The following RALB variants were observed in gnomAD, a reference collection of about 807,000 sequenced individuals.
RALB encodes the protein RAS like proto-oncogene B.
RALB carries 16 observed loss-of-function variants against 21.3 expected under a neutral mutation model. The ratio of observed to expected loss-of-function variants is 0.75; its 90% confidence interval spans 0.51 to 1.14. The LOEUF (loss-of-function observed/expected upper bound fraction) is 1.14, where lower values mean the gene tolerates loss of function less well. RALB is among the 50% of genes most tolerant of loss of function. The probability of loss-of-function intolerance (pLI) is 0.00; values close to 1 mark genes in which losing one functional copy is unlikely to be tolerated. For missense variants in RALB, 161 were observed against 256.2 expected (o/e 0.63, Z 2.54); for synonymous variants, 93 against 96.1 (o/e 0.97, Z 0.19).
Position 120,294,272 on chromosome 2 carries a change from CAT to C in RALB, c.*1014_*1015del, listed in dbSNP as rs1415970008. The C allele has an allele frequency of 2.5e-6, 1 of 398,560 alleles. No individual in the cohort carries two copies. Among genetic ancestry groups the C allele is most frequent in the Non-Finnish European group, 4.4e-6 (1 of 226,064 alleles). 24.7% of individuals were successfully genotyped at this position (398,560 alleles called of 1,614,324 possible). A position where few individuals can be genotyped will look rare whatever the true frequency, so the allele number is the denominator to read the frequency against. On this transcript the variant is annotated 3_prime_UTR_variant, in exon 5 of 5. Transcript: ENST00000272519. ...CTGTGCCAGACCTTCTGCTACCTCT[CAT>C]AGAATTGCTCTGTAATTCTAAATTT...
chr2:120,253,628 G>A, intron 1 of RALB: 1 of 985,562 alleles, frequency 1.0e-6, no homozygotes, highest in Non-Finnish European at 1.2e-6. Flanking sequence ...TCGGTGCAGG[G>A]TTGCGGGGCG....
In RALB at chr2:120,291,180, C is replaced by T. The variant is rs960619589; in HGVS notation, c.501+1423C>T. Among the ~76,000 whole-genome samples the T allele has an allele frequency of 3.9e-5, 6 of 152,132 alleles. No individual in the cohort carries two copies. The Middle Eastern group carries it at 0.014, about 347-fold the overall frequency. On this transcript the variant is annotated intron_variant, in intron 4 of 4. Transcript: ENST00000272519. The stretch of plus-strand genomic sequence containing the variant: ...GCAAGATACATCTATTTGTATGTAT[C>T]GTACATAAAAACATGTATCTTAGGA...
intron 1 of RALB, among the ~76,000 whole-genome samples, chr2:120,259,440 A>G (rs1347533028): frequency 1.3e-5 from 2 of 152,206 alleles, no homozygotes; most frequent in South Asian, 2.1e-4. Context: ...AGCTAGATAC[A>G]GAGTGTCAAT....
intron 1 of RALB, among the ~76,000 whole-genome samples, chr2:120,273,904 T>G (rs975001000): frequency 6.6e-6 from 1 of 152,222 alleles, no homozygotes; most frequent in Non-Finnish European, 1.5e-5. Context: ...TCCACCATGG[T>G]TATTTCAGTT....
chr2:120,257,793 C>T (rs997013145), intron 1 of RALB, among the ~76,000 whole-genome samples: 4 of 152,196 alleles, frequency 2.6e-5, no homozygotes, highest in Non-Finnish European at 5.9e-5. Context: ...TGTAATCCCC[C>T]TCCTTCCTCC....
intron 1 of RALB, among the ~76,000 whole-genome samples, chr2:120,259,449 A>G (rs1278618446): frequency 3.3e-5 from 5 of 151,954 alleles, no homozygotes; most frequent in Non-Finnish European, 7.4e-5. Flanking sequence ...CAGAGTGTCA[A>G]TTGGTGCATT....
chr2:120,261,978 G>A (rs1558948292), intron 1 of RALB, among the ~76,000 whole-genome samples: 1 of 152,142 alleles, frequency 6.6e-6, no homozygotes, highest in Non-Finnish European at 1.5e-5. Context: ...GAAAGAAAGG[G>A]TTTTCGGAGA....
At position 120,293,348 on chromosome 2, in the gene RALB, G is replaced by C. The variant is rs1000826369; in HGVS notation, c.*88G>C. The C allele has an allele frequency of 5.2e-6, 7 of 1,350,772 alleles. No homozygotes were observed. The highest frequency in any genetic ancestry group is 2.0e-4 in the Middle Eastern group (1 of 5,124). 83.7% of individuals were successfully genotyped at this position (1,350,772 alleles called of 1,614,324 possible). A position where few individuals can be genotyped will look rare whatever the true frequency, so the allele number is the denominator to read the frequency against. On this transcript the variant is annotated 3_prime_UTR_variant, in exon 5 of 5. Coordinates refer to ENST00000272519, the MANE Select transcript of RALB (RefSeq NM_002881.3). ...AGGCTATGGTTGACTTCTTGCTTGTGCTTCCCACTCTCCCCGACTTCATTC... is the reference window on the plus strand; with the variant it reads ...AGGCTATGGTTGACTTCTTGCTTGTCCTTCCCACTCTCCCCGACTTCATTC...
At chr2:120,243,251 C>T (rs1410495283) in intron 1 of RALB, among the ~76,000 whole-genome samples, 1 of 152,174 alleles carries the variant, frequency 6.6e-6, no homozygotes, top group Non-Finnish European at 1.5e-5. Context: ...TGTAATTGGT[C>T]GTGAAAATGC....
In RALB at chr2:120,294,370, A is replaced by G; in HGVS notation, c.*1110A>G. The G allele has an allele frequency of 2.5e-6, 1 of 398,596 alleles. No homozygotes were observed. The highest frequency in any genetic ancestry group is 4.4e-6 in the Non-Finnish European group (1 of 226,020). 24.7% of individuals were successfully genotyped at this position (398,596 alleles called of 1,614,324 possible). A position where few individuals can be genotyped will look rare whatever the true frequency, so the allele number is the denominator to read the frequency against. ...AGAATTGGCTGCTGTTTCTAATATAATTATTTTCTAAGATAGCCAGATAGT... is the reference window on the plus strand; with the variant it reads ...AGAATTGGCTGCTGTTTCTAATATAGTTATTTTCTAAGATAGCCAGATAGT... On this transcript the variant is annotated 3_prime_UTR_variant, in exon 5 of 5. Coordinates refer to ENST00000272519, the MANE Select transcript of RALB (RefSeq NM_002881.3).
Position 120,293,206 on chromosome 2 carries a change from C to T in RALB, c.567C>T (p.Gly189=). ...TGTCAGAAAACAAAGACAAGAATGG[C>T]AAGAAAAGCAGCAAGAACAAGAAAA... ...KKMSENKDKN[G]KKSSKNKKSF... Residue 189 remains glycine, a synonymous_variant, in exon 5 of 5, where the codon GGC becomes GGT. Coordinates refer to ENST00000272519, the MANE Select transcript of RALB (RefSeq NM_002881.3). 1 of 1,613,352 alleles carries T rather than the reference C, an allele frequency of 6.2e-7. No individual in the cohort carries two copies. The highest frequency in any genetic ancestry group is 8.5e-7 in the Non-Finnish European group (1 of 1,179,646).
At chr2:120,280,874 T>C (rs778257171) in intron 2 of RALB, 2 of 443,516 alleles carry the variant, frequency 4.5e-6, no homozygotes, top group South Asian at 3.3e-5. Context: ...AGAAAAAGTA[T>C]ACAGCAAACA....
upstream of RALB, among the ~76,000 whole-genome samples, chr2:120,251,611 G>A (rs931247069): frequency 5.3e-5 from 8 of 152,192 alleles, no homozygotes; most frequent in African/African-American, 1.7e-4. Context: ...GTAAGAAAAG[G>A]TTTGGGTCTG....
chr2:120,264,397 C>G (rs753052376), intron 1 of RALB, among the ~76,000 whole-genome samples: 1 of 152,126 alleles, frequency 6.6e-6, no homozygotes, highest in Non-Finnish European at 1.5e-5. Flanking sequence ...AGTGATCCAT[C>G]CACCTCCGCC....
intron 1 of RALB, among the ~76,000 whole-genome samples, chr2:120,265,114 G>A (rs1159120047): frequency 6.6e-6 from 1 of 152,152 alleles, no homozygotes; most frequent in African/African-American, 2.4e-5. Context: ...ATACAGCCAC[G>A]CATCACTTAA....
intron 1 of RALB, among the ~76,000 whole-genome samples, chr2:120,260,608 G>A (rs941527596): frequency 6.6e-6 from 1 of 152,242 alleles, no homozygotes; most frequent in Non-Finnish European, 1.5e-5. Context: ...TGCCTGGCAA[G>A]TGGCGCCGAG....
intron 1 of RALB, among the ~76,000 whole-genome samples, chr2:120,254,586 AGAT>A (rs1362827681): frequency 1.3e-5 from 2 of 152,254 alleles, no homozygotes; most frequent in African/African-American, 2.4e-5. Flanking sequence ...TTTTGGTAGA[AGAT>A]GAGGGTAGAA....
At position 120,270,370 on chromosome 2, in the gene RALB, A is replaced by G. The variant is rs533758452; in HGVS notation, c.-47-8248A>G. On this transcript the variant is annotated intron_variant, in intron 1 of 4. Coordinates refer to ENST00000272519, the MANE Select transcript of RALB (RefSeq NM_002881.3). ...TTGAGTTTGAGCTTTTGTAAAGTCA[A>G]AAGACAAAATTATCACAAATGTAGT... is the stretch of plus-strand genomic sequence containing the variant. Among the ~76,000 whole-genome samples, 149 of 152,248 alleles carry G rather than the reference A, an allele frequency of 9.8e-4. 6 individuals are homozygous for G. The highest frequency in any genetic ancestry group is 6.5e-4 in the Non-Finnish European group (44 of 68,048).
At chr2:120,252,053 G>A (rs1689066939), upstream of RALB, among the ~76,000 whole-genome samples, 1 of 152,204 alleles carries the variant, frequency 6.6e-6, no homozygotes, top group Non-Finnish European at 1.5e-5. Context: ...ATAAGAGGCA[G>A]ACGTTTAAAC....
Sources: allele counts gnomAD v4.1 joint callset (sites outside exome capture counted in the v4.1 genomes callset), GRCh38; gene constraint gnomAD v4.1.1; transcripts MANE v1.5; gene names NCBI Gene and HGNC (gene_info 2026-07-23, HGNC 2026-07-21).